Variants in SNTG1 observed in about 807,000 individuals in gnomAD.
The protein encoded by SNTG1 is syntrophin gamma 1, also known as gamma-1-syntrophin.
SNTG1 carries 39 observed loss-of-function variants against 74.7 expected under a neutral mutation model. That is an observed-to-expected ratio of 0.52 (90% CI 0.40 to 0.68). The LOEUF is 0.68. Ranked by LOEUF, SNTG1 falls within the 30% of genes least tolerant of loss-of-function variation. The pLI is 0.00. For synonymous variants in SNTG1, 254 were observed against 217.1 expected (o/e 1.17, Z -1.49); for missense variants, 685 against 609.5 (o/e 1.12, Z -1.30).
intron 2 of SNTG1, among the ~76,000 whole-genome samples, chr8:50,383,960 G>A (rs570133157): frequency 6.6e-6 from 1 of 152,222 alleles, no homozygotes; most frequent in East Asian, 1.9e-4. Context: ...TCTCCTAATA[G>A]AAACATTCTT....
intron 8 of SNTG1, among the ~76,000 whole-genome samples, chr8:50,452,642 A>C (rs2093467841): frequency 6.6e-6 from 1 of 152,224 alleles, no homozygotes; most frequent in Admixed American, 6.5e-5. Flanking sequence ...TCATTCTGTT[A>C]TAAAGGAAAG....
chr8:50,425,882 C>T (rs149755114), intron 4 of SNTG1, among the ~76,000 whole-genome samples: 22 of 152,212 alleles, frequency 1.4e-4, no homozygotes, highest in East Asian at 5.8e-4. Context: ...GCAAACTGGA[C>T]GAATTCCTAA....
chr8:50,444,408 T>C (rs1405804168), intron 5 of SNTG1, among the ~76,000 whole-genome samples: 3 of 152,184 alleles, frequency 2.0e-5, no homozygotes, highest in Admixed American at 6.5e-5. Flanking sequence ...TCAAGTCTGA[T>C]TCACTTGTTT....
rs555367542 is a variant in SNTG1, at chr8:50,114,690, C to A, written c.-102-57871C>A. Among the ~76,000 whole-genome samples, 5 of 152,160 alleles carry A rather than the reference C, an allele frequency of 3.3e-5. No individual in the cohort carries two copies. In the South Asian group the frequency reaches 8.3e-4, roughly 25 times the overall value. On this transcript the variant is annotated intron_variant, in intron 1 of 18. Transcript: ENST00000642720. Reference sequence around the variant, plus strand: ...GACCATCCTGGCCAGCATGGTGAAACCCCGTCTCTACTAAAAATATAAAAA... The same window carrying A: ...GACCATCCTGGCCAGCATGGTGAAAACCCGTCTCTACTAAAAATATAAAAA...
At chr8:50,323,511 G>A (rs2090612840) in intron 2 of SNTG1, among the ~76,000 whole-genome samples, 1 of 152,198 alleles carries the variant, frequency 6.6e-6, no homozygotes, top group South Asian at 2.1e-4. Context: ...TGTACCCTAA[G>A]CCAAATAATG....
At chr8:50,750,473 T>C (rs1585705036) in intron 17 of SNTG1, among the ~76,000 whole-genome samples, 1 of 152,166 alleles carries the variant, frequency 6.6e-6, no homozygotes, top group South Asian at 2.1e-4. Flanking sequence ...ATTCTGTGGG[T>C]AAAATGCTAT....
chr8:50,448,460 C>G (rs938447160), intron 5 of SNTG1, among the ~76,000 whole-genome samples: 3 of 151,996 alleles, frequency 2.0e-5, no homozygotes, highest in African/African-American at 7.2e-5. Flanking sequence ...GAAACAAAAG[C>G]TTAGGTGGTT....
rs998524799 is a variant in SNTG1 at position 49,944,784 on chromosome 8, C to A, written c.-103+32553C>A. On this transcript the variant is annotated intron_variant, in intron 1 of 18. Coordinates refer to ENST00000642720, the MANE Select transcript of SNTG1 (RefSeq NM_018967.5). ...CTTTAGTTAATAAATGAATTCATCACCTGCAAGAAAAAAAAAAAAAAAAGA... is the reference window on the plus strand; with the variant it reads ...CTTTAGTTAATAAATGAATTCATCAACTGCAAGAAAAAAAAAAAAAAAAGA... 4.7e-5 allele frequency among the ~76,000 whole-genome samples: 7 copies of A among 148,042 alleles called. No individual in the cohort carries two copies. In the East Asian group the frequency reaches 1.4e-3, roughly 29 times the overall value.
intron 13 of SNTG1, among the ~76,000 whole-genome samples, chr8:50,605,231 TC>T: frequency 6.6e-6 from 1 of 152,262 alleles, no homozygotes; most frequent in Non-Finnish European, 1.5e-5. Flanking sequence ...GTGCAAGCCC[TC>T]CCTTAGCTGC....
chr8:50,626,952 A>G (rs1295445833), intron 13 of SNTG1, among the ~76,000 whole-genome samples: 1 of 152,164 alleles, frequency 6.6e-6, no homozygotes, highest in East Asian at 1.9e-4. Flanking sequence ...ATATATATTA[A>G]GGTCTCATCT....
At chr8:49,959,032 G>T (rs73569349) in intron 1 of SNTG1, among the ~76,000 whole-genome samples, 1 of 152,112 alleles carries the variant, frequency 6.6e-6, no homozygotes, top group Non-Finnish European at 1.5e-5. Context: ...CAATATACAC[G>T]TTAAATTCAT....
At chr8:50,613,482 G>A (rs1054481335) in intron 13 of SNTG1, among the ~76,000 whole-genome samples, 1 of 152,134 alleles carries the variant, frequency 6.6e-6, no homozygotes, top group Non-Finnish European at 1.5e-5. Flanking sequence ...ATGATCAGGT[G>A]AAGTACAGAG....
intron 5 of SNTG1, among the ~76,000 whole-genome samples, chr8:50,449,368 A>C (rs1382399040): frequency 6.6e-6 from 1 of 152,200 alleles, no homozygotes; most frequent in Non-Finnish European, 1.5e-5. Flanking sequence ...CTAAATAAGA[A>C]TTTCTATTGG....
At chr8:50,334,853 C>T (rs983750861) in intron 2 of SNTG1, among the ~76,000 whole-genome samples, 2 of 152,156 alleles carry the variant, frequency 1.3e-5, no homozygotes, top group Non-Finnish European at 2.9e-5. Context: ...TCTAAATCTT[C>T]GAGGCTATGC....
chr8:50,434,023 A>G (rs755159517), intron 4 of SNTG1, among the ~76,000 whole-genome samples: 21 of 151,648 alleles, frequency 1.4e-4, no homozygotes, highest in Non-Finnish European at 2.5e-4. Flanking sequence ...ATATCTCCTA[A>G]TGCTATCCCT....
chr8:50,114,013 C>T (rs113732956), intron 1 of SNTG1, among the ~76,000 whole-genome samples: 2 of 151,880 alleles, frequency 1.3e-5, no homozygotes, highest in East Asian at 3.9e-4. Context: ...CACAAAACGA[C>T]GTTTGACAAG....
intron 1 of SNTG1, among the ~76,000 whole-genome samples, chr8:49,995,155 G>T (rs1259159045): frequency 6.6e-6 from 1 of 152,078 alleles, no homozygotes; most frequent in African/African-American, 2.4e-5. Flanking sequence ...CAAAAATTCT[G>T]GAGTGAATAA....
chr8:50,572,266 A>G (rs1233756404), intron 12 of SNTG1, among the ~76,000 whole-genome samples: 1 of 149,478 alleles, frequency 6.7e-6, no homozygotes, highest in Non-Finnish European at 1.5e-5. Flanking sequence ...TTTTATATAT[A>G]TATATATATA....
intron 15 of SNTG1, among the ~76,000 whole-genome samples, chr8:50,660,366 G>A (rs1468747565): frequency 0.01 from 1,306 of 130,556 alleles, 19 homozygotes; most frequent in African/African-American, 0.039. Flanking sequence ...GAAAGAGAGA[G>A]AGAGAAAGAA....
Sources: gnomAD v4.1 joint callset for allele counts (sites outside exome capture counted in the v4.1 genomes callset) on GRCh38, gnomAD v4.1.1 for gene constraint, MANE v1.5 for transcripts, NCBI Gene and HGNC (gene_info 2026-07-23, HGNC 2026-07-21) for gene names.